EXT1: variants seen among roughly 807,000 people sequenced by gnomAD.
EXT1 encodes exostosin-1.
A neutral mutation model predicts 82.5 loss-of-function variants in EXT1; 20 were observed. That is an observed-to-expected ratio of 0.24 (90% confidence interval 0.17 to 0.35). The LOEUF is 0.35. Among genes scored for constraint, EXT1 ranks in the 10% least tolerant of loss-of-function variants. The pLI is 1.00. For synonymous variants in EXT1, 348 were observed against 350.8 expected, an observed-to-expected ratio of 0.99 and a Z score of 0.09; for missense variants, 757 against 936.5, an observed-to-expected ratio of 0.81 and a Z score of 2.50.
intron 1 of EXT1, among the ~76,000 whole-genome samples, chr8:117,957,934 C>T (rs1814621736): frequency 6.6e-6 from 1 of 152,120 alleles, no homozygotes; most frequent in African/African-American, 2.4e-5. Context: ...AAAGTTATCA[C>T]CAACAGATGT....
At chr8:117,918,525 T>G (rs1813795197) in intron 1 of EXT1, among the ~76,000 whole-genome samples, 1 of 152,230 alleles carries the variant, frequency 6.6e-6, no homozygotes, top group Non-Finnish European at 1.5e-5. Context: ...TAGGCTGGCT[T>G]TGTGTTTTGC....
chr8:117,986,838 G>C (rs1162863439), intron 1 of EXT1, among the ~76,000 whole-genome samples: 1 of 152,190 alleles, frequency 6.6e-6, no homozygotes, highest in African/African-American at 2.4e-5. Context: ...ACCTGCTCAT[G>C]TTGAGTATAA....
intron 1 of EXT1, among the ~76,000 whole-genome samples, chr8:117,849,582 CTT>C (rs1340316309): frequency 6.6e-5 from 10 of 152,148 alleles, no homozygotes; most frequent in African/African-American, 1.2e-4. Flanking sequence ...ACGACGCTAG[CTT>C]TCTCTCTCTA....
intron 1 of EXT1, among the ~76,000 whole-genome samples, chr8:117,895,995 G>C (rs538689332): frequency 4.6e-5 from 7 of 152,212 alleles, no homozygotes; most frequent in Non-Finnish European, 1.0e-4. Flanking sequence ...ACAGATAAAC[G>C]GGCACTTGGG....
At chr8:117,945,030 TG>T (rs1814360301) in intron 1 of EXT1, among the ~76,000 whole-genome samples, 1 of 151,986 alleles carries the variant, frequency 6.6e-6, no homozygotes, top group African/African-American at 2.4e-5. Context: ...GGCGCGGTGG[TG>T]GGCGCCTGTA....
chr8:117,847,493 G>T (rs1812381629), intron 1 of EXT1, among the ~76,000 whole-genome samples: 1 of 152,184 alleles, frequency 6.6e-6, no homozygotes, highest in Admixed American at 6.5e-5. Context: ...CTGACAAATA[G>T]CATTATTTGT....
chr8:118,030,050 T>G (rs1266301241), intron 1 of EXT1, among the ~76,000 whole-genome samples: 1 of 152,182 alleles, frequency 6.6e-6, no homozygotes, highest in Non-Finnish European at 1.5e-5. Flanking sequence ...CAGGGATATC[T>G]CTCATGAAGG....
chr8:117,856,522 GC>G (rs1328249370), intron 1 of EXT1, among the ~76,000 whole-genome samples: 7 of 145,398 alleles, frequency 4.8e-5, no homozygotes, highest in African/African-American at 1.8e-4. Flanking sequence ...CACCTCGGCC[GC>G]CCAAAGTGTT....
chr8:117,878,653 G>A (rs1813009752), intron 1 of EXT1, among the ~76,000 whole-genome samples: 1 of 152,224 alleles, frequency 6.6e-6, no homozygotes, highest in African/African-American at 2.4e-5. Context: ...AAGATTTCTA[G>A]AACAACCAAT....
At chr8:117,931,579 T>C (rs2129650042) in intron 1 of EXT1, among the ~76,000 whole-genome samples, 1 of 152,148 alleles carries the variant, frequency 6.6e-6, no homozygotes, top group African/African-American at 2.4e-5. Context: ...GGCTACACAT[T>C]GAGCTGGCTG....
chr8:118,057,925 T>C (rs761342440), intron 1 of EXT1, among the ~76,000 whole-genome samples: 2 of 149,338 alleles, frequency 1.3e-5, no homozygotes, highest in Non-Finnish European at 3.0e-5. Context: ...TGAGCCAAGA[T>C]TGCGCCACTG....
intron 1 of EXT1, among the ~76,000 whole-genome samples, chr8:118,072,992 C>G (rs190891619): frequency 2.6e-5 from 4 of 152,238 alleles, no homozygotes; most frequent in African/African-American, 7.2e-5. Flanking sequence ...TTGAAAGAAG[C>G]CTGAAGTGGA....
chr8:118,088,321 G>A (rs574337529), intron 1 of EXT1, among the ~76,000 whole-genome samples: 13 of 152,208 alleles, frequency 8.5e-5, no homozygotes, highest in African/African-American at 2.9e-4. Flanking sequence ...ATGAAATCGG[G>A]TAGATCCCTT....
intron 4 of EXT1, among the ~76,000 whole-genome samples, chr8:117,828,870 GC>G (rs1163943846): frequency 6.6e-6 from 1 of 152,116 alleles, no homozygotes; most frequent in Non-Finnish European, 1.5e-5. Context: ...GGGAGCAGGA[GC>G]CCAAGCTCAG....
At chr8:117,977,968 T>C (rs993752333) in intron 1 of EXT1, among the ~76,000 whole-genome samples, 1 of 152,212 alleles carries the variant, frequency 6.6e-6, no homozygotes, top group Non-Finnish European at 1.5e-5. Flanking sequence ...CTAATGCAGG[T>C]TTCATTTCAA....
chr8:117,924,294 T>G (rs547881984), intron 1 of EXT1, among the ~76,000 whole-genome samples: 19 of 152,156 alleles, frequency 1.2e-4, no homozygotes, highest in Non-Finnish European at 2.5e-4. Context: ...TGGTCTAGAG[T>G]TCACATACAA....
At chr8:118,014,401 A>G (rs377560878) in intron 1 of EXT1, among the ~76,000 whole-genome samples, 4 of 152,070 alleles carry the variant, frequency 2.6e-5, no homozygotes, top group African/African-American at 9.6e-5. Flanking sequence ...ATAGTCTTGA[A>G]TTTTCTCTCA....
intron 1 of EXT1, among the ~76,000 whole-genome samples, chr8:117,876,806 C>A (rs977791167): frequency 1.1e-4 from 16 of 152,176 alleles, no homozygotes; most frequent in African/African-American, 3.1e-4. Flanking sequence ...CATTCTTCCA[C>A]AGATATTTAC....
intron 1 of EXT1, among the ~76,000 whole-genome samples, chr8:117,865,490 A>C (rs1336168400): frequency 6.6e-6 from 1 of 152,178 alleles, no homozygotes; most frequent in Admixed American, 6.5e-5. Context: ...CATCCAGTGG[A>C]CTTACTTAGA....
Sources: allele counts gnomAD v4.1 joint callset (sites outside exome capture counted in the v4.1 genomes callset), GRCh38; gene constraint gnomAD v4.1.1; transcripts MANE v1.5; gene names NCBI Gene and HGNC (gene_info 2026-07-23, HGNC 2026-07-21).